Variants in CAMK4 observed in about 807,000 individuals in gnomAD.
CAMK4 encodes the protein calcium/calmodulin dependent protein kinase IV, also known as calcium/calmodulin-dependent protein kinase type IV.
Under a neutral mutation model 44.9 loss-of-function variants are expected in CAMK4, and 22 were observed. The observed-to-expected ratio is 0.49, with a 90% confidence interval of 0.35 to 0.70. The LOEUF is 0.70. CAMK4 is among the 30% of genes least tolerant of loss of function. The probability of loss-of-function intolerance (pLI) is 0.01; values close to 1 mark genes in which losing one functional copy is unlikely to be tolerated. For missense variants in CAMK4, 498 were observed against 586.8 expected (o/e 0.85, Z 1.56); for synonymous variants, 218 against 215.4 (o/e 1.01, Z -0.11).
At chr5:111,328,533 T>C (rs1322342082) in intron 1 of CAMK4, among the ~76,000 whole-genome samples, 2 of 152,124 alleles carry the variant, frequency 1.3e-5, no homozygotes, top group South Asian at 2.1e-4. Flanking sequence ...AGTAGTTTTT[T>C]CCGAATCTGT....
At chr5:111,267,703 C>CAAA (rs59699712) in intron 1 of CAMK4, among the ~76,000 whole-genome samples, 105 of 71,688 alleles carry the variant, frequency 1.5e-3, no homozygotes, top group East Asian at 2.6e-3. Flanking sequence ...GACTCCGTCT[C>CAAA]AAAAAAAAAA....
rs1289741785 is a variant in CAMK4, at chr5:111,224,989, TGTTTGTCTA to T, written c.161+349_161+357del. Reference sequence around the variant, plus strand: ...ACGATTATAGCTTGCCAGAGGGTCCTGTTTGTCTAGTTATTGTTTAGGGTGGGGGCCGGA... The same window carrying T: ...ACGATTATAGCTTGCCAGAGGGTCCTGTTATTGTTTAGGGTGGGGGCCGGA... On this transcript the variant is annotated intron_variant, in intron 1 of 10. Coordinates refer to ENST00000282356, the MANE Select transcript of CAMK4 (RefSeq NM_001744.6). The surrounding 1 kb of genome is among the most constrained non-coding windows in gnomAD (Gnocchi z 5.7). Among the ~76,000 whole-genome samples the T allele has an allele frequency of 1.3e-5, 2 of 152,136 alleles. No homozygotes were observed. The highest frequency in any genetic ancestry group is 2.4e-5 in the African/African-American group (1 of 41,438).
chr5:111,263,127 A>T (rs922281082), intron 1 of CAMK4, among the ~76,000 whole-genome samples: 77 of 152,368 alleles, frequency 5.1e-4, no homozygotes, highest in African/African-American at 1.8e-3. Context: ...ATTTTTCTAA[A>T]GGGAACACTT....
At chr5:111,323,400 A>G (rs1748742871) in intron 1 of CAMK4, among the ~76,000 whole-genome samples, 1 of 152,084 alleles carries the variant, frequency 6.6e-6, no homozygotes, top group Non-Finnish European at 1.5e-5. Flanking sequence ...TCACAAGTCA[A>G]ACCACTTGTA....
chr5:111,243,400 G>C (rs141388860), intron 1 of CAMK4, among the ~76,000 whole-genome samples: 1 of 152,292 alleles, frequency 6.6e-6, no homozygotes, highest in East Asian at 1.9e-4. Flanking sequence ...GTGGGTTATT[G>C]CCAGATTGAC....
At position 111,434,989 on chromosome 5, in the gene CAMK4, T is replaced by C. The variant is rs79139016; in HGVS notation, c.460-11697T>C. ...CCCATTGAACACAGCATAGCTGTAA[T>C]TAAACTAAATTACTATGCAGTAGCT... is the stretch of plus-strand genomic sequence containing the variant. On this transcript the variant is annotated intron_variant, in intron 5 of 10. Coordinates refer to ENST00000282356, the MANE Select transcript of CAMK4 (RefSeq NM_001744.6). Among the ~76,000 whole-genome samples, 258 of 152,314 alleles carry C rather than the reference T, an allele frequency of 1.7e-3. 5 individuals are homozygous for C. The highest frequency in any genetic ancestry group is 0.017 in the East Asian group (87 of 5,180).
chr5:111,374,586 C>A (rs1751138714), intron 2 of CAMK4, among the ~76,000 whole-genome samples: 1 of 152,176 alleles, frequency 6.6e-6, no homozygotes, highest in South Asian at 2.1e-4. Flanking sequence ...ACAGTGATGA[C>A]TTTTGATAGG....
chr5:111,312,859 G>C (rs968867862), intron 1 of CAMK4, among the ~76,000 whole-genome samples: 4 of 152,118 alleles, frequency 2.6e-5, no homozygotes, highest in Non-Finnish European at 5.9e-5. Flanking sequence ...ATTGGCTCCA[G>C]TATACATTTT....
chr5:111,486,241 T>C lies in CAMK4; in HGVS notation c.*1775T>C, dbSNP rs1296864246. 1 of 152,128 alleles carries C rather than the reference T, an allele frequency of 6.6e-6. No individual in the cohort carries two copies. The highest frequency in any genetic ancestry group is 1.5e-5 in the Non-Finnish European group (1 of 68,046). The allele number at this position is 152,128 out of a possible 1,614,324, so 9.4% of individuals were successfully genotyped here. A position where few individuals can be genotyped will look rare whatever the true frequency, so the allele number is the denominator to read the frequency against. On this transcript the variant is annotated 3_prime_UTR_variant, in exon 11 of 11. Coordinates refer to ENST00000282356, the MANE Select transcript of CAMK4 (RefSeq NM_001744.6). ...TTAAGAATCTGACAGGTCACTGATA[T>C]GGAGCCCCTGAAGAAGCACATCATC...
At chr5:111,372,575 T>C (rs1290359059) in intron 2 of CAMK4, among the ~76,000 whole-genome samples, 1 of 152,034 alleles carries the variant, frequency 6.6e-6, no homozygotes, top group Non-Finnish European at 1.5e-5. Flanking sequence ...TCTCAACCTC[T>C]CAATTTGGTT....
intron 10 of CAMK4, 47 bp from the exon 11 acceptor site, chr5:111,483,979 G>C: frequency 7.2e-7 from 1 of 1,388,162 alleles, no homozygotes; most frequent in Non-Finnish European, 9.8e-7. Context: ...TCTGATGTGG[G>C]GTGTTAAAGC....
intron 1 of CAMK4, among the ~76,000 whole-genome samples, chr5:111,246,404 C>G (rs1007020011): frequency 3.9e-5 from 6 of 152,104 alleles, no homozygotes; most frequent in Admixed American, 3.9e-4. Context: ...TACTGAAGCA[C>G]CAAAAGAAAC....
chr5:111,261,290 CT>C (rs1366807251), intron 1 of CAMK4, among the ~76,000 whole-genome samples: 1 of 152,212 alleles, frequency 6.6e-6, no homozygotes, highest in Non-Finnish European at 1.5e-5. Flanking sequence ...CGTCTTCCAT[CT>C]TTGTAGCTCT....
chr5:111,399,017 A>C (rs558635127), intron 5 of CAMK4, among the ~76,000 whole-genome samples: 2 of 152,292 alleles, frequency 1.3e-5, no homozygotes, highest in South Asian at 4.2e-4. Context: ...TTAGCCAGTT[A>C]TTATTTAAAT....
chr5:111,456,541 G>A (rs1237529413), intron 7 of CAMK4, among the ~76,000 whole-genome samples: 2 of 151,960 alleles, frequency 1.3e-5, no homozygotes, highest in African/African-American at 4.8e-5. Context: ...AGATTTAAAT[G>A]ACATTGATGG....
At chr5:111,250,601 C>T (rs1580479571) in intron 1 of CAMK4, among the ~76,000 whole-genome samples, 1 of 152,150 alleles carries the variant, frequency 6.6e-6, no homozygotes, top group Non-Finnish European at 1.5e-5. Flanking sequence ...ATGTCTTCAT[C>T]CCTGTAGTAT....
chr5:111,399,915 C>A (rs1752160688), intron 5 of CAMK4, among the ~76,000 whole-genome samples: 1 of 152,092 alleles, frequency 6.6e-6, no homozygotes, highest in African/African-American at 2.4e-5. Flanking sequence ...CTCTCTTATT[C>A]AATTGGTGAA....
At position 111,484,118 on chromosome 5, in the gene CAMK4, C is replaced by T. The variant is rs758216235; in HGVS notation, c.1074C>T (p.Asp358=). 1 of 1,614,144 alleles carries T rather than the reference C, an allele frequency of 6.2e-7. No individual in the cohort carries two copies. Among genetic ancestry groups the T allele is most frequent in the Non-Finnish European group, 8.5e-7 (1 of 1,180,036 alleles). ...AGGAGAGCCACAAGGCTAGCCGAGA[C>T]CCTTCTCCAATCCAAGATGGCAACG... ...SIQESHKASR[D]PSPIQDGNED... Residue 358 remains aspartate (D), a synonymous_variant, in exon 11 of 11, where the codon GAC becomes GAT. Coordinates refer to ENST00000282356, the MANE Select transcript of CAMK4 (RefSeq NM_001744.6). This position sits in a 1 kb window ranked among gnomAD's most constrained non-coding sequence, Gnocchi z 5.3.
chr5:111,269,407 G>A (rs527247855), intron 1 of CAMK4, among the ~76,000 whole-genome samples: 2 of 152,316 alleles, frequency 1.3e-5, no homozygotes, highest in East Asian at 3.9e-4. Context: ...ATCTGGTTGT[G>A]TGGGGGAAAG....
Sources: gnomAD v4.1 joint callset for allele counts (sites outside exome capture counted in the v4.1 genomes callset) on GRCh38, gnomAD v4.1.1 for gene constraint, Gnocchi (gnomAD v3.1) non-coding constraint, MANE v1.5 for transcripts, NCBI Gene and HGNC (gene_info 2026-07-23, HGNC 2026-07-21) for gene names.